PDZRN3: variants seen among roughly 807,000 people sequenced by gnomAD.
The protein encoded by PDZRN3 is PDZ domain containing ring finger 3.
In PDZRN3, 38 loss-of-function variants were observed where a neutral mutation model predicts 85.7. That is an observed-to-expected ratio of 0.44 (90% confidence interval 0.34 to 0.58). The LOEUF is 0.58. PDZRN3 is among the 20% of genes least tolerant of loss of function. PDZRN3 has a pLI of 0.01. For synonymous variants in PDZRN3, 759 were observed against 638.0 expected (o/e 1.19, Z -2.86); for missense variants, 1,629 against 1,506.4 (o/e 1.08, Z -1.35).
At chr3:73,414,066 C>G (rs947235982) in intron 3 of PDZRN3, among the ~76,000 whole-genome samples, 2 of 151,756 alleles carry the variant, frequency 1.3e-5, no homozygotes, top group Admixed American at 1.3e-4. Flanking sequence ...TCTAAGGCCC[C>G]TGGGATGGAA....
At chr3:73,437,045 C>CAA (rs57755670) in intron 3 of PDZRN3, among the ~76,000 whole-genome samples, 7 of 72,630 alleles carry the variant, frequency 9.6e-5, no homozygotes, top group South Asian at 5.1e-4. Flanking sequence ...GACTCTGTCT[C>CAA]AAAAAAAAAA....
intron 3 of PDZRN3, among the ~76,000 whole-genome samples, chr3:73,597,102 C>T (rs1447162973): frequency 6.6e-6 from 1 of 152,132 alleles, no homozygotes; most frequent in Admixed American, 6.6e-5. Context: ...GGGGAGTCTT[C>T]TATTACTTTA....
At chr3:73,573,673 G>A (rs1702075355) in intron 3 of PDZRN3, among the ~76,000 whole-genome samples, 1 of 152,146 alleles carries the variant, frequency 6.6e-6, no homozygotes, top group Non-Finnish European at 1.5e-5. Context: ...GTTGTAAAAG[G>A]TGAGCGTCAG....
At chr3:73,538,440 T>C (rs896187499) in intron 3 of PDZRN3, among the ~76,000 whole-genome samples, 2 of 152,180 alleles carry the variant, frequency 1.3e-5, no homozygotes, top group Non-Finnish European at 2.9e-5. Context: ...GTCAGCAAAA[T>C]GAGCTTTGCC....
At chr3:73,477,120 G>A (rs1703473396) in intron 3 of PDZRN3, among the ~76,000 whole-genome samples, 1 of 152,102 alleles carries the variant, frequency 6.6e-6, no homozygotes, top group Non-Finnish European at 1.5e-5. Flanking sequence ...CTATTATGCA[G>A]GCACCATCAT....
intron 2 of PDZRN3, among the ~76,000 whole-genome samples, chr3:73,602,908 C>T (rs1702536350): frequency 6.6e-6 from 1 of 152,194 alleles, no homozygotes; most frequent in African/African-American, 2.4e-5. Flanking sequence ...CTTAAAGTGA[C>T]TGAACAGTAT....
intron 3 of PDZRN3, among the ~76,000 whole-genome samples, chr3:73,459,759 G>A (rs1703066453): frequency 6.6e-6 from 1 of 152,134 alleles, no homozygotes; most frequent in South Asian, 2.1e-4. Context: ...TGTCATTGAT[G>A]GGCATTTTGG....
At chr3:73,623,172 T>C (rs1702894372) in intron 1 of PDZRN3, among the ~76,000 whole-genome samples, 1 of 152,156 alleles carries the variant, frequency 6.6e-6, no homozygotes, top group Admixed American at 6.5e-5. Context: ...TTGTTGAGCA[T>C]TTATTTACTC....
intron 6 of PDZRN3, among the ~76,000 whole-genome samples, chr3:73,390,616 TCCA>T (rs1005866096): frequency 6.9e-6 from 1 of 145,150 alleles, no homozygotes; most frequent in African/African-American, 2.6e-5. Flanking sequence ...CTATATATAC[TCCA>T]CCAAGAGAAA....
intron 1 of PDZRN3, among the ~76,000 whole-genome samples, chr3:73,620,477 T>C (rs987097655): frequency 6.6e-6 from 1 of 152,100 alleles, no homozygotes; most frequent in Admixed American, 6.5e-5. Flanking sequence ...AGTGTAGCAA[T>C]CCCAAGTCTG....
intron 3 of PDZRN3, among the ~76,000 whole-genome samples, chr3:73,432,538 C>T (rs1490445622): frequency 1.3e-5 from 2 of 152,118 alleles, no homozygotes; most frequent in Non-Finnish European, 2.9e-5. Context: ...TTTTTGTTCA[C>T]CCAGGGTCAT....
intron 4 of PDZRN3, 169 bp from the exon 5 acceptor site, chr3:73,401,178 C>T (rs1254994292): frequency 7.0e-6 from 4 of 571,376 alleles, no homozygotes; most frequent in Non-Finnish European, 9.5e-6. Flanking sequence ...CTCCATCATC[C>T]TAATTTTACC....
intron 3 of PDZRN3, among the ~76,000 whole-genome samples, chr3:73,564,656 T>C (rs1483247886): frequency 6.6e-6 from 1 of 152,170 alleles, no homozygotes; most frequent in Non-Finnish European, 1.5e-5. Flanking sequence ...TCAGGAACTT[T>C]CCTTCTCAGC....
intron 3 of PDZRN3, among the ~76,000 whole-genome samples, chr3:73,535,958 A>G (rs907031589): frequency 1.3e-5 from 2 of 152,248 alleles, no homozygotes; most frequent in Non-Finnish European, 2.9e-5. Context: ...GTAATTATAT[A>G]TTATGTAACA....
intron 3 of PDZRN3, chr3:73,434,026 A>C: frequency 1.0e-6 from 1 of 956,622 alleles, no homozygotes; most frequent in Non-Finnish European, 1.3e-6. Flanking sequence ...CGCTATATAT[A>C]CTGCTGCTCA....
intron 3 of PDZRN3, chr3:73,561,405 G>C (rs1382655851): frequency 6.6e-6 from 1 of 152,206 alleles, no homozygotes; most frequent in East Asian, 1.9e-4. Context: ...GAGCATTCCA[G>C]CTGATTCCAC....
intron 3 of PDZRN3, among the ~76,000 whole-genome samples, chr3:73,534,696 T>C (rs577150228): frequency 1.3e-5 from 2 of 152,352 alleles, no homozygotes; most frequent in South Asian, 2.1e-4. Context: ...CTTGTTCTGC[T>C]CCACTTTTCA....
intron 3 of PDZRN3, among the ~76,000 whole-genome samples, chr3:73,422,789 C>G (rs932440278): frequency 1.3e-5 from 2 of 152,158 alleles, no homozygotes; most frequent in Non-Finnish European, 2.9e-5. Context: ...GTTAATTTAA[C>G]TGGGGAGGGA....
At chr3:73,555,146 A>T (rs994171096) in intron 3 of PDZRN3, among the ~76,000 whole-genome samples, 1 of 150,736 alleles carries the variant, frequency 6.6e-6, no homozygotes, top group African/African-American at 2.4e-5. Flanking sequence ...AGAGCCAGTA[A>T]TTTTTTTTTT....
Sources: allele counts gnomAD v4.1 joint callset (sites outside exome capture counted in the v4.1 genomes callset), GRCh38; gene constraint gnomAD v4.1.1; transcripts MANE v1.5; gene names NCBI Gene and HGNC (gene_info 2026-07-23, HGNC 2026-07-21).